Variants in PGM5 observed in about 807,000 individuals in gnomAD.
PGM5 encodes phosphoglucomutase 5.
Under a neutral mutation model 59.2 loss-of-function variants are expected in PGM5, and 23 were observed. The ratio of observed to expected loss-of-function variants is 0.39; its 90% CI spans 0.28 to 0.55. The LOEUF (loss-of-function observed/expected upper bound fraction) is 0.55, where lower values mean the gene tolerates loss of function less well. Among genes scored for constraint, PGM5 ranks in the 20% least tolerant of loss-of-function variants. The pLI, the probability that PGM5 is intolerant of heterozygous loss-of-function variation, is 0.66. For missense variants in PGM5, 574 were observed against 748.3 expected, an observed-to-expected ratio of 0.77 and a Z score of 2.72; for synonymous variants, 214 against 286.0, an observed-to-expected ratio of 0.75 and a Z score of 2.54.
At chr9:68,431,004 TAG>T (rs1379384927) in intron 6 of PGM5, among the ~76,000 whole-genome samples, 14 of 152,214 alleles carry the variant, frequency 9.2e-5, no homozygotes, top group African/African-American at 3.4e-4. Context: ...CCTTTTCCTC[TAG>T]AATATATTAT....
chr9:68,381,323 A>T (rs1237768849), intron 2 of PGM5, among the ~76,000 whole-genome samples: 2 of 68,824 alleles, frequency 2.9e-5, no homozygotes, highest in African/African-American at 1.1e-4. Context: ...AAAGTTCAGC[A>T]TTCTTTCTTA....
chr9:68,445,166 C>G (rs777609413), intron 6 of PGM5, among the ~76,000 whole-genome samples: 8 of 151,586 alleles, frequency 5.3e-5, no homozygotes, highest in Non-Finnish European at 7.4e-5. Context: ...CAGTGGTCTT[C>G]AAATGTTAGA....
chr9:68,361,007 T>C (rs2777161), intron 1 of PGM5, among the ~76,000 whole-genome samples: 10 of 152,208 alleles, frequency 6.6e-5, no homozygotes, highest in Admixed American at 1.3e-4. Flanking sequence ...CAGCCTCAAA[T>C]TCCTGGGCTC....
chr9:68,440,527 T>C (rs1823508937), intron 6 of PGM5, among the ~76,000 whole-genome samples: 1 of 152,192 alleles, frequency 6.6e-6, no homozygotes, highest in Non-Finnish European at 1.5e-5. Flanking sequence ...ATGTCCTTTA[T>C]TTGGCTGAAG....
At chr9:68,452,477 C>T (rs1370908182) in intron 6 of PGM5, among the ~76,000 whole-genome samples, 1 of 152,202 alleles carries the variant, frequency 6.6e-6, no homozygotes, top group Non-Finnish European at 1.5e-5. Context: ...ACTTCCTGTT[C>T]TCACCAACCT....
intron 6 of PGM5, among the ~76,000 whole-genome samples, chr9:68,445,559 C>T (rs1309181340): frequency 2.0e-5 from 3 of 152,216 alleles, no homozygotes; most frequent in South Asian, 2.1e-4. Flanking sequence ...TGGGACACAA[C>T]GTGGAGATCT....
intron 2 of PGM5, among the ~76,000 whole-genome samples, chr9:68,382,229 C>A (rs1803028438): frequency 6.7e-6 from 1 of 150,126 alleles, no homozygotes; most frequent in Non-Finnish European, 1.5e-5. Context: ...CATATATAGT[C>A]AAGTAATTTT....
In PGM5 at chr9:68,521,241, A is replaced by G. The variant is rs1335476097; in HGVS notation, c.1615-8326A>G. Among the ~76,000 whole-genome samples, 3 of 152,266 alleles carry G rather than the reference A, an allele frequency of 2.0e-5. No individual in the cohort carries two copies. The East Asian group carries it at 5.8e-4, about 29-fold the overall frequency. On this transcript the variant is annotated intron_variant, in intron 10 of 10. Coordinates refer to ENST00000396396, the MANE Select transcript of PGM5 (RefSeq NM_021965.4). ...GACTGTTTAGAGATTAATTCAATAC[A>G]TGAATTTGGAATAGCACTTGGCACA...
chr9:68,501,000 G>T (rs1386368959), intron 10 of PGM5, among the ~76,000 whole-genome samples: 1 of 151,744 alleles, frequency 6.6e-6, no homozygotes, highest in East Asian at 1.9e-4. Flanking sequence ...GAAGCTGAAA[G>T]TCTCCATCAG....
intron 6 of PGM5, among the ~76,000 whole-genome samples, chr9:68,426,204 C>G (rs1554682690): frequency 6.6e-6 from 1 of 151,370 alleles, no homozygotes; most frequent in African/African-American, 2.4e-5. Flanking sequence ...TTTAAATTTT[C>G]TACTCTGAAC....
chr9:68,427,110 T>C (rs1554682749), intron 6 of PGM5, among the ~76,000 whole-genome samples: 4 of 152,148 alleles, frequency 2.6e-5, no homozygotes, highest in Non-Finnish European at 5.9e-5. Flanking sequence ...GAGAGGCAAA[T>C]GTGACACAGG....
At chr9:68,401,320 A>C (rs1173179758) in intron 6 of PGM5, among the ~76,000 whole-genome samples, 1 of 150,650 alleles carries the variant, frequency 6.6e-6, no homozygotes, top group African/African-American at 2.4e-5. Context: ...TATAGTCGTC[A>C]TCACTCTCCC....
intron 9 of PGM5, among the ~76,000 whole-genome samples, chr9:68,491,413 G>T (rs915179213): frequency 1.3e-5 from 2 of 152,256 alleles, no homozygotes; most frequent in Non-Finnish European, 2.9e-5. Flanking sequence ...GTTGTTATAT[G>T]GTTGTTTAGC....
Position 68,528,810 on chromosome 9 carries a change from C to A in PGM5, c.1615-757C>A, listed in dbSNP as rs1825031170. On this transcript the variant is annotated intron_variant, in intron 10 of 10. Coordinates refer to ENST00000396396, the MANE Select transcript of PGM5 (RefSeq NM_021965.4). ...AACGGAAAATAGACTGATTTTCTCA[C>A]TGTTTTATTAGCAATACCATATCCA... Among the ~76,000 whole-genome samples the A allele has an allele frequency of 2.6e-5, 4 of 152,322 alleles. No individual in the cohort carries two copies. The South Asian group carries it at 8.3e-4, about 32-fold the overall frequency.
chr9:68,357,091 G>T lies in PGM5; in HGVS notation c.-37G>T, dbSNP rs1454974372. ...CCCGGCAGGCTGCAGATTCCCTCCG[G>T]CTCCGGGAGCCGCAGCAGGACCGGC... On this transcript the variant is annotated 5_prime_UTR_variant, in exon 1 of 11. Coordinates refer to ENST00000396396, the MANE Select transcript of PGM5 (RefSeq NM_021965.4). 71 of 1,447,978 alleles carry T rather than the reference G, an allele frequency of 4.9e-5. No homozygotes were observed. The highest frequency in any genetic ancestry group is 2.5e-4 in the Middle Eastern group (1 of 4,018). 89.7% of individuals were successfully genotyped at this position (1,447,978 alleles called of 1,614,324 possible).
intron 6 of PGM5, among the ~76,000 whole-genome samples, chr9:68,401,413 T>G (rs1371563596): frequency 6.6e-6 from 1 of 152,156 alleles, no homozygotes; most frequent in Admixed American, 6.5e-5. Flanking sequence ...ATACTCAGAT[T>G]CTGTCTCGGG....
intron 1 of PGM5, among the ~76,000 whole-genome samples, chr9:68,371,333 A>G (rs1223825736): frequency 1.3e-5 from 2 of 152,210 alleles, no homozygotes; most frequent in Non-Finnish European, 2.9e-5. Flanking sequence ...TGTAAACATA[A>G]CTAAGGATAA....
At chr9:68,418,104 T>A (rs1823066241) in intron 6 of PGM5, among the ~76,000 whole-genome samples, 1 of 152,236 alleles carries the variant, frequency 6.6e-6, no homozygotes, top group Admixed American at 6.5e-5. Flanking sequence ...TTCTCTCCAC[T>A]TTGTCCTTCA....
At chr9:68,451,827 G>A (rs1480286441) in intron 6 of PGM5, among the ~76,000 whole-genome samples, 1 of 152,180 alleles carries the variant, frequency 6.6e-6, no homozygotes, top group Non-Finnish European at 1.5e-5. Context: ...GCATCCAGTT[G>A]CATAGGATGT....
Sources: allele counts gnomAD v4.1 joint callset (sites outside exome capture counted in the v4.1 genomes callset), GRCh38; gene constraint gnomAD v4.1.1; transcripts MANE v1.5; gene names NCBI Gene and HGNC (gene_info 2026-07-23, HGNC 2026-07-21).